Variants in NRAP observed in about 807,000 individuals in gnomAD.
The protein encoded by NRAP is nebulin-related-anchoring protein.
NRAP carries 189 observed loss-of-function variants against 225.9 expected under a neutral mutation model. The observed-to-expected ratio is 0.84, with a 90% CI of 0.74 to 0.94. NRAP has a LOEUF of 0.94. NRAP is among the 40% of genes least tolerant of loss of function. NRAP has a pLI of 0.00. For synonymous variants in NRAP, 769 were observed against 790.7 expected (o/e 0.97, Z 0.46); for missense variants, 2,176 against 2,168.7 (o/e 1.00, Z -0.07).
intron 22 of NRAP, among the ~76,000 whole-genome samples, chr10:113,624,535 A>T (rs1848179958): frequency 1.3e-5 from 2 of 152,134 alleles, no homozygotes; most frequent in African/African-American, 4.8e-5. Flanking sequence ...CTCCCCTCTA[A>T]CACGATTATG....
In NRAP at chr10:113,604,738, C is replaced by T; in HGVS notation, c.4098G>A (p.Leu1366=). The T allele has an allele frequency of 6.2e-7, 1 of 1,614,172 alleles. No individual in the cohort carries two copies. Among genetic ancestry groups the T allele is most frequent in the Non-Finnish European group, 8.5e-7 (1 of 1,180,018 alleles). Residue 1366 remains leucine, a synonymous_variant, in exon 35 of 42, where the codon CTG becomes CTA. Transcript: ENST00000359988. ...GAGCCTGGGCATTCTTGGCATGGAC[C>T]AGGTGCACCATGTCCATGGGCAGAT... is the stretch of plus-strand genomic sequence containing the variant. ...QFHLPMDMVH[L]VHAKNAQALA...
At position 113,650,475 on chromosome 10, in the gene NRAP, T is replaced by C. The variant is rs2185913; in HGVS notation, c.746A>G (p.Tyr249Cys). 0.28 allele frequency: 447,842 copies of C among 1,612,360 alleles called. 66,250 individuals are homozygous for C. The highest frequency in any genetic ancestry group is 0.37 in the East Asian group (16,529 of 44,830). ...GSFPAMITPA[Y>C]QIAKRANELA... Reference sequence around the variant, plus strand: ...CTCATTGGCTCTTTTGGCTATCTGATAGGCGGGTGTGATCATCGCAGGGAA... The same window carrying C: ...CTCATTGGCTCTTTTGGCTATCTGACAGGCGGGTGTGATCATCGCAGGGAA... The change falls in exon 8 of 42, where the codon TAT (tyrosine) becomes TGT (cysteine). Residue 249 changes from tyrosine (Y) to cysteine (C), a missense_variant. Around this residue, in one of 3 missense-constraint regions of NRAP, gnomAD observed 1,708 missense variants for 1,695.5 expected, o/e 1.01. Transcript: ENST00000359988.
chr10:113,609,961 A>G (rs952227613), intron 31 of NRAP, among the ~76,000 whole-genome samples: 1 of 150,692 alleles, frequency 6.6e-6, no homozygotes, highest in African/African-American at 2.4e-5. Flanking sequence ...TGGAGAATCC[A>G]GTAAGAAAAA....
intron 36 of NRAP, among the ~76,000 whole-genome samples, chr10:113,597,452 G>A (rs1564697653): frequency 6.6e-5 from 10 of 152,150 alleles, no homozygotes; most frequent in Non-Finnish European, 1.5e-5. Flanking sequence ...TCAGTAAAGG[G>A]CAGTATTCAG....
chr10:113,623,728 G>A, intron 22 of NRAP, 92 bp from the exon 23 acceptor site: 1 of 816,864 alleles, frequency 1.2e-6, no homozygotes, highest in Non-Finnish European at 2.1e-6. Context: ...ACGATTCTAG[G>A]AAAGCAATAC....
intron 35 of NRAP, among the ~76,000 whole-genome samples, chr10:113,599,505 C>T (rs371027034): frequency 5.9e-5 from 9 of 152,238 alleles, no homozygotes; most frequent in South Asian, 2.1e-4. Flanking sequence ...CTTTCATAAG[C>T]GAGATGAAGT....
chr10:113,608,348 C>A, intron 32 of NRAP, 66 bp downstream of exon 32: 3 of 959,794 alleles, frequency 3.1e-6, no homozygotes, highest in Middle Eastern at 2.1e-4. Flanking sequence ...CAAACACATT[C>A]ACGTGTATTT....
intron 25 of NRAP, among the ~76,000 whole-genome samples, chr10:113,617,866 C>T (rs149607647): frequency 5.2e-4 from 79 of 152,214 alleles, no homozygotes; most frequent in South Asian, 2.7e-3. Flanking sequence ...AATACTTTGT[C>T]GCAGTTGTTT....
At chr10:113,606,618 C>T (rs1846981709) in intron 32 of NRAP, among the ~76,000 whole-genome samples, 1 of 152,146 alleles carries the variant, frequency 6.6e-6, no homozygotes, top group African/African-American at 2.4e-5. Flanking sequence ...CATACAAAGA[C>T]CTGGGAAATT....
At chr10:113,590,522 T>C (rs1845904418) in intron 40 of NRAP, 56 bp downstream of exon 40, 1 of 1,548,810 alleles carries the variant, frequency 6.5e-7, no homozygotes, top group African/African-American at 1.4e-5. Flanking sequence ...TATGGCCATC[T>C]CTTAGGAAGA....
chr10:113,645,773 T>C (rs1259826996), intron 11 of NRAP, 52 bp downstream of exon 11: 18 of 934,334 alleles, frequency 1.9e-5, no homozygotes, highest in South Asian at 1.7e-4. Flanking sequence ...TCACTGACTA[T>C]AGGAGATAAA....
chr10:113,594,872 A>C (rs1169747978), intron 38 of NRAP, among the ~76,000 whole-genome samples: 1 of 152,258 alleles, frequency 6.6e-6, no homozygotes, highest in Non-Finnish European at 1.5e-5. Context: ...CAGGGAGGGA[A>C]GAATGGCCGG....
intron 37 of NRAP, among the ~76,000 whole-genome samples, chr10:113,596,331 T>C (rs879505311): frequency 1.3e-5 from 2 of 152,212 alleles, no homozygotes; most frequent in Non-Finnish European, 2.9e-5. Flanking sequence ...TTGAGTCTTA[T>C]GTACTTTTAG....
At position 113,645,944 on chromosome 10, in the gene NRAP, G is replaced by GAAAAA; in HGVS notation, c.994-8_994-4dup. 9.6e-6 allele frequency: 12 copies of GAAAAA among 1,247,746 alleles called. No individual in the cohort carries two copies. The highest frequency in any genetic ancestry group is 2.8e-5 in the South Asian group (2 of 70,474). 77.3% of individuals were successfully genotyped at this position (1,247,746 alleles called of 1,614,324 possible). A position where few individuals can be genotyped will look rare whatever the true frequency, so the allele number is the denominator to read the frequency against. On this transcript the variant is annotated splice_polypyrimidine_tract_variant and splice_region_variant and intron_variant, in intron 10 of 41. Coordinates refer to ENST00000359988, the MANE Select transcript of NRAP (RefSeq NM_198060.4). Reference sequence around the variant, plus strand: ...TTGAAGTCCTGCCTGTATTTTATCTGAAAAAAAAAACACAAAACGGGGCTG... The same window carrying GAAAAA: ...TTGAAGTCCTGCCTGTATTTTATCTGAAAAAAAAAAAAAAACACAAAACGGGGCTG...
chr10:113,649,990 G>A (rs1359605708), intron 9 of NRAP, 47 bp downstream of exon 9: 1 of 1,090,572 alleles, frequency 9.2e-7, no homozygotes, highest in South Asian at 1.2e-5. Flanking sequence ...GCCTAGAATG[G>A]GCCAAACATG....
In NRAP at chr10:113,589,062, C is replaced by T; in HGVS notation, c.5106G>A (p.Val1702=). Residue 1702 remains valine (V), a synonymous_variant, in exon 42 of 42, where the codon GTG becomes GTA. Transcript: ENST00000359988. ...LQGAYRGAEA[V]EAGDHQSGEV... ...CCCCACTCTGATGATCTCCAGCCTC[C>T]ACTGCTTCTGCCCCCCGCTGCTGAA... 1.2e-6 allele frequency: 2 copies of T among 1,613,974 alleles called. No individual in the cohort carries two copies. Among genetic ancestry groups the T allele is most frequent in the Non-Finnish European group, 8.5e-7 (1 of 1,179,968 alleles).
Position 113,597,164 on chromosome 10 carries a change from T to C in NRAP, c.4353A>G (p.Pro1451=). ...CCACTGTGGTGAACTTGATACTGTC[T>C]GGTTTTTTACGGTACTTGGTCTATA... ...LISETKYRKK[P]DSIKFTTVVD... Residue 1451 remains proline, a synonymous_variant, in exon 37 of 42, where the codon CCA becomes CCG. Coordinates refer to ENST00000359988, the MANE Select transcript of NRAP (RefSeq NM_198060.4). 6.2e-7 allele frequency: 1 copy of C among 1,612,500 alleles called. No individual in the cohort carries two copies.
At chr10:113,602,689 A>G (rs1306754305) in intron 35 of NRAP, among the ~76,000 whole-genome samples, 4 of 152,244 alleles carry the variant, frequency 2.6e-5, no homozygotes, top group Admixed American at 2.0e-4. Context: ...TGCTATCGAC[A>G]ATTAATCTAG....
Position 113,652,962 on chromosome 10 carries a change from G to A in NRAP, c.543C>T (p.Ala181=), listed in dbSNP as rs770145081. Residue 181 remains alanine, a synonymous_variant, in exon 6 of 42, where the codon GCC becomes GCT. Transcript: ENST00000359988. ...PAMITPAYQR[A]KKANQLASQV... ...GGCTGGCCAGCTGGTTGGCTTTCTT[G>A]GCCCTTTGATAAGCAGGTGTGATCA... is the stretch of plus-strand genomic sequence containing the variant. The A allele has an allele frequency of 1.9e-5, 30 of 1,612,824 alleles. No individual in the cohort carries two copies. The highest frequency in any genetic ancestry group is 2.5e-5 in the Non-Finnish European group (30 of 1,179,640).
Sources: gnomAD v4.1 joint callset for allele counts (sites outside exome capture counted in the v4.1 genomes callset) on GRCh38, gnomAD v4.1.1 for gene constraint, gnomAD v4.1.1 regional missense constraint, MANE v1.5 for transcripts, NCBI Gene and HGNC (gene_info 2026-07-23, HGNC 2026-07-21) for gene names.